KNDC1: variants seen among roughly 807,000 people sequenced by gnomAD.
KNDC1 encodes the protein kinase non-catalytic C-lobe domain containing 1, also known as kinase non-catalytic C-lobe domain-containing protein 1.
A neutral mutation model predicts 172.8 loss-of-function variants in KNDC1; 106 were observed. The observed-to-expected ratio is 0.61, with a 90% CI of 0.52 to 0.72. The LOEUF is 0.72. KNDC1 is among the 30% of genes least tolerant of loss of function. KNDC1 has a pLI of 0.00. For synonymous variants in KNDC1, 1,083 were observed against 1,062.2 expected (o/e 1.02, Z -0.38); for missense variants, 2,325 against 2,394.5 (o/e 0.97, Z 0.61).
intron 25 of KNDC1, 78 bp downstream of exon 25, chr10:133,213,805 C>T: frequency 1.4e-6 from 2 of 1,480,744 alleles, no homozygotes; most frequent in Non-Finnish European, 1.9e-6. Context: ...GTGGACGCTC[C>T]TGACCAGCAG....
At chr10:133,189,493 C>A in intron 7 of KNDC1, 105 bp from the exon 8 acceptor site, 1 of 1,103,846 alleles carries the variant, frequency 9.1e-7, no homozygotes, top group Non-Finnish European at 1.3e-6. Context: ...AATGGGGAGG[C>A]TGGGGGGCTG....
rs1042140786 is a variant in KNDC1, at chr10:133,160,412, GAGCCC to G, written c.-41_-37del. On this transcript the variant is annotated 5_prime_UTR_variant, in exon 1 of 30. Coordinates refer to ENST00000304613, the MANE Select transcript of KNDC1 (RefSeq NM_152643.8). The stretch of plus-strand genomic sequence containing the variant: ...CCATGGAGCCAGGGCGCGCGTAGCC[GAGCCC>G]AGCCCAGCCCAGCCGGAGGCCCCGG... The G allele has an allele frequency of 3.8e-5, 43 of 1,144,682 alleles. No homozygotes were observed. Among genetic ancestry groups the G allele is most frequent in the South Asian group, 9.3e-5 (4 of 42,814 alleles). The allele number at this position is 1,144,682 out of a possible 1,614,324, so 70.9% of individuals were successfully genotyped here. A position where few individuals can be genotyped will look rare whatever the true frequency, so the allele number is the denominator to read the frequency against.
rs1263622856 is a variant in KNDC1 at position 133,225,290 on chromosome 10, A to C, written c.*400A>C. Reference sequence around the variant, plus strand: ...CTCCACCGCCAACTCAACAAACTTCAGAGTAGCTCCTCCCTGAGCAGGTTT... The same window carrying C: ...CTCCACCGCCAACTCAACAAACTTCCGAGTAGCTCCTCCCTGAGCAGGTTT... On this transcript the variant is annotated 3_prime_UTR_variant, in exon 30 of 30. Transcript: ENST00000304613. The C allele has an allele frequency of 4.4e-6, 1 of 229,538 alleles. No homozygotes were observed. The highest frequency in any genetic ancestry group is 2.3e-5 in the African/African-American group (1 of 42,878). The allele number at this position is 229,538 out of a possible 1,614,324, so 14.2% of individuals were successfully genotyped here. A position where few individuals can be genotyped will look rare whatever the true frequency, so the allele number is the denominator to read the frequency against.
Position 133,209,667 on chromosome 10 carries a change from C to T in KNDC1, c.3795-944C>T, listed in dbSNP as rs1453952131. On this transcript the variant is annotated intron_variant, in intron 20 of 29. Transcript: ENST00000304613. This position sits in a 1 kb window ranked among gnomAD's most constrained non-coding sequence, Gnocchi z 4.9. ...CTTCCATGGAAGGAGCGTCTCCTGG[C>T]CGTGATGTGGTCACGAGGGGCTTCC... Among the ~76,000 whole-genome samples the T allele has an allele frequency of 6.6e-6, 1 of 152,018 alleles. No homozygotes were observed. Among genetic ancestry groups the T allele is most frequent in the African/African-American group, 2.4e-5 (1 of 41,354 alleles).
intron 3 of KNDC1, among the ~76,000 whole-genome samples, chr10:133,183,041 G>A (rs1409953224): frequency 2.0e-5 from 3 of 148,904 alleles, no homozygotes; most frequent in African/African-American, 4.9e-5. Flanking sequence ...CAGCATGGGC[G>A]GCGTGGGTAC....
Position 133,201,749 on chromosome 10 carries a change from T to G in KNDC1, c.3238T>G (p.Ser1080Ala), listed in dbSNP as rs754127472. The G allele has an allele frequency of 3.8e-6, 6 of 1,574,726 alleles. No individual in the cohort carries two copies. The highest frequency in any genetic ancestry group is 5.2e-6 in the Non-Finnish European group (6 of 1,160,378). The part of the protein sequence containing the change: ...ARSKGVGPAL[S>A]PGPAGFQSCS... ...GTCCAAAGGGGTCGGCCCAGCCTTG[T>G]CCCCCGGCCCAGCCGGATTCCAGAG... Residue 1080 changes from serine to alanine, a missense_variant, in exon 17 of 30, where the codon TCC (serine) becomes GCC (alanine). Physicochemically the swap from Ser to Ala is moderately conservative, Grantham distance 99 (BLOSUM62 1). Transcript: ENST00000304613.
intron 21 of KNDC1, among the ~76,000 whole-genome samples, chr10:133,211,117 T>C (rs931700241): frequency 1.4e-4 from 22 of 152,006 alleles, no homozygotes; most frequent in Admixed American, 1.2e-3. Flanking sequence ...GGCCAGCACC[T>C]GGTGTCAGGA....
Position 133,211,796 on chromosome 10 carries a change from G to A in KNDC1, c.4174G>A (p.Glu1392Lys). The A allele has an allele frequency of 6.2e-7, 1 of 1,610,716 alleles. No homozygotes were observed. ...CCTGGAGAACCCCAGGGAGGCCGAG[G>A]AGGATGCCAGACCCTTCAACGCCCT... ...TDLENPREAE[E>K]DARPFNALCK... The change falls in exon 23 of 30, where the codon GAG becomes AAG. Residue 1392 changes from glutamate to lysine, a missense_variant. Transcript: ENST00000304613.
At chr10:133,193,102 G>T (rs112074331) in intron 9 of KNDC1, among the ~76,000 whole-genome samples, 7 of 53,004 alleles carry the variant, frequency 1.3e-4, no homozygotes, top group Admixed American at 4.2e-4. Flanking sequence ...ATACACATAT[G>T]GGGGGGGAAA....
rs1263280949 is a variant in KNDC1 at position 133,220,100 on chromosome 10, G to A, written c.5006G>A (p.Trp1669Ter). The A allele has an allele frequency of 2.6e-6, 4 of 1,565,882 alleles. No homozygotes were observed. The highest frequency in any genetic ancestry group is 3.5e-6 in the Non-Finnish European group (4 of 1,155,292). ...GFTMTNGAHR[W>*]SKLRNIAKVV... is the part of the protein sequence containing the mutation. The stretch of plus-strand genomic sequence containing the variant: ...ACCATGACCAACGGGGCCCACAGGT[G>A]GAGCAAGCTCAGGTGAGGAGGGGCT... Residue 1669 changes from tryptophan to a stop codon, truncating the protein, a stop_gained, in exon 29 of 30, where the codon TGG becomes TAG. Coordinates refer to ENST00000304613, the MANE Select transcript of KNDC1 (RefSeq NM_152643.8). LOFTEE classifies it high-confidence loss of function.
At chr10:133,219,002 C>T (rs1435052959) in intron 27 of KNDC1, 29 bp from the exon 28 acceptor site, 1 of 1,613,854 alleles carries the variant, frequency 6.2e-7, no homozygotes, top group Non-Finnish European at 8.5e-7. Context: ...CGCACGGCCG[C>T]AGGAGGCTCA....
chr10:133,210,364 CAAAAAA>C (rs57759593), intron 20 of KNDC1, among the ~76,000 whole-genome samples: 4 of 74,440 alleles, frequency 5.4e-5, no homozygotes, highest in Non-Finnish European at 8.3e-5. Flanking sequence ...GAAACTCTGC[CAAAAAA>C]AAAAAAAAAA....
intron 2 of KNDC1, among the ~76,000 whole-genome samples, chr10:133,167,899 G>A (rs994396048): frequency 5.9e-5 from 9 of 152,276 alleles, no homozygotes; most frequent in Non-Finnish European, 7.4e-5. Flanking sequence ...AGCCAGTCCC[G>A]CCTGCCCTGC....
rs780026893 is a variant in KNDC1 at position 133,189,586 on chromosome 10, G to C, written c.1442-12G>C. 2 of 1,612,438 alleles carry C rather than the reference G, an allele frequency of 1.2e-6. No individual in the cohort carries two copies. Among genetic ancestry groups the C allele is most frequent in the South Asian group, 2.2e-5 (2 of 91,048 alleles). ...AGCATGCATACCCGCCCTGACCCAAGCTCTGCCACAGCCTACCTGTGTCTG... is the reference window on the plus strand; with the variant it reads ...AGCATGCATACCCGCCCTGACCCAACCTCTGCCACAGCCTACCTGTGTCTG... On this transcript the variant is annotated splice_polypyrimidine_tract_variant and intron_variant, in intron 7 of 29. Coordinates refer to ENST00000304613, the MANE Select transcript of KNDC1 (RefSeq NM_152643.8).
In KNDC1 at chr10:133,213,932, A is replaced by C. The variant is rs371122986; in HGVS notation, c.4527-40A>C. 21 of 1,612,768 alleles carry C rather than the reference A, an allele frequency of 1.3e-5. No homozygotes were observed. In the African/African-American group the frequency reaches 2.3e-4, roughly 17 times the overall value. On this transcript the variant is annotated intron_variant, in intron 25 of 29. Transcript: ENST00000304613. ...CCCCAGGGCCGGGCAGGGCCACTGC[A>C]CAAGTCCTGGGGGTGACAGGGACCA...
chr10:133,174,729 G>T (rs1318148301), intron 3 of KNDC1, among the ~76,000 whole-genome samples: 1 of 151,904 alleles, frequency 6.6e-6, no homozygotes, highest in Non-Finnish European at 1.5e-5. Context: ...TGGTTAATAT[G>T]TGGATGGATG....
At chr10:133,175,265 G>C (rs1406161907) in intron 3 of KNDC1, among the ~76,000 whole-genome samples, 1 of 150,912 alleles carries the variant, frequency 6.6e-6, no homozygotes, top group Non-Finnish European at 1.5e-5. Context: ...ATAGATGGGT[G>C]GATGGTGGAT....
chr10:133,201,911 C>A lies in KNDC1; in HGVS notation c.3387+13C>A, dbSNP rs1394170306. Reference sequence around the variant, plus strand: ...CGCCCAGAGCCCGGTGAGTCCCAGGCCTTGGCACTGCCGGGTGGGGCAGGG... The same window carrying A: ...CGCCCAGAGCCCGGTGAGTCCCAGGACTTGGCACTGCCGGGTGGGGCAGGG... On this transcript the variant is annotated intron_variant, in intron 17 of 29. Transcript: ENST00000304613. 12 of 1,507,604 alleles carry A rather than the reference C, an allele frequency of 8.0e-6. No individual in the cohort carries two copies. Among genetic ancestry groups the A allele is most frequent in the Non-Finnish European group, 1.1e-5 (12 of 1,129,532 alleles). 93.4% of individuals were successfully genotyped at this position (1,507,604 alleles called of 1,614,324 possible). A position where few individuals can be genotyped will look rare whatever the true frequency, so the allele number is the denominator to read the frequency against.
At chr10:133,197,956 C>T (rs2135994868) in intron 12 of KNDC1, among the ~76,000 whole-genome samples, 188 bp downstream of exon 12, 1 of 152,278 alleles carries the variant, frequency 6.6e-6, no homozygotes, top group African/African-American at 2.4e-5. Flanking sequence ...TCCCAAAACT[C>T]CCAGTCGCTC....
Sources: gnomAD v4.1 joint callset for allele counts (sites outside exome capture counted in the v4.1 genomes callset) on GRCh38, gnomAD v4.1.1 for gene constraint, Gnocchi (gnomAD v3.1) non-coding constraint, MANE v1.5 for transcripts, NCBI Gene and HGNC (gene_info 2026-07-23, HGNC 2026-07-21) for gene names.